The following DOCK1 variants were observed in gnomAD, a reference collection of about 807,000 sequenced individuals.
DOCK1 encodes the protein dedicator of cytokinesis protein 1.
DOCK1 carries 138 observed loss-of-function variants against 262.7 expected under a neutral mutation model. That is an observed-to-expected ratio of 0.53 (90% CI 0.46 to 0.61). The LOEUF (loss-of-function observed/expected upper bound fraction) is 0.61. Ranked by LOEUF, DOCK1 falls within the 20% of genes least tolerant of loss-of-function variation. The pLI is 0.00. For synonymous variants in DOCK1, 866 were observed against 867.4 expected, an observed-to-expected ratio of 1.00 and a Z score of 0.03; for missense variants, 1,908 against 2,370.7, an observed-to-expected ratio of 0.80 and a Z score of 4.05.
At chr10:127,433,886 C>T (rs1370645422) in intron 48 of DOCK1, among the ~76,000 whole-genome samples, 1 of 150,724 alleles carries the variant, frequency 6.6e-6, no homozygotes, top group Non-Finnish European at 1.5e-5. Flanking sequence ...TAGTGTATTT[C>T]ATGTGTGGCC....
intron 27 of DOCK1, among the ~76,000 whole-genome samples, chr10:127,133,385 AT>A (rs1270616480): frequency 2.0e-5 from 3 of 152,232 alleles, no homozygotes; most frequent in Non-Finnish European, 4.4e-5. Flanking sequence ...CTGCAAAAAA[AT>A]GTTGTGTTTC....
rs535364913 is a variant in DOCK1 at position 127,027,664 on chromosome 10, G to A, written c.1624+1240G>A. On this transcript the variant is annotated intron_variant, in intron 16 of 51. Coordinates refer to ENST00000623213, the MANE Select transcript of DOCK1 (RefSeq NM_001290223.2). ...TGAAGGTCAGGCAAGGTGGAGGCTG[G>A]CCACCTTCTGGCACGCTGCCTGGTA... Among the ~76,000 whole-genome samples, 14 of 152,230 alleles carry A rather than the reference G, an allele frequency of 9.2e-5. No homozygotes were observed. The South Asian group carries it at 1.2e-3, about 14-fold the overall frequency.
intron 38 of DOCK1, among the ~76,000 whole-genome samples, chr10:127,385,702 T>C (rs1184452529): frequency 2.0e-5 from 3 of 152,228 alleles, no homozygotes; most frequent in Non-Finnish European, 4.4e-5. Context: ...TGTCACAGTG[T>C]TGGCGTGGCC....
At chr10:127,077,897 G>A (rs115027413) in intron 23 of DOCK1, among the ~76,000 whole-genome samples, 1,706 of 152,148 alleles carry the variant, frequency 0.011, 29 homozygotes, top group African/African-American at 0.039. Context: ...AGCATTCCAT[G>A]GAGGGGCAGG....
At chr10:127,272,105 T>C (rs75101382) in intron 29 of DOCK1, 55 of 152,338 alleles carry the variant, frequency 3.6e-4, no homozygotes, top group African/African-American at 1.3e-3. Flanking sequence ...ACCTTTCCCA[T>C]AAGACTTCAG....
At chr10:127,434,280 A>G (rs2069509615) in intron 48 of DOCK1, among the ~76,000 whole-genome samples, 2 of 152,030 alleles carry the variant, frequency 1.3e-5, no homozygotes, top group Admixed American at 6.6e-5. Context: ...GAGAATGACC[A>G]TCTGTCCCTA....
At chr10:127,215,716 A>G (rs1206995092) in intron 27 of DOCK1, among the ~76,000 whole-genome samples, 1 of 152,150 alleles carries the variant, frequency 6.6e-6, no homozygotes, top group Non-Finnish European at 1.5e-5. Flanking sequence ...AAATTGACCT[A>G]AAGAAAAATA....
At chr10:127,313,921 T>C (rs1228415375) in intron 29 of DOCK1, among the ~76,000 whole-genome samples, 20 of 152,216 alleles carry the variant, frequency 1.3e-4, no homozygotes, top group Non-Finnish European at 2.6e-4. Flanking sequence ...GTTACATTTT[T>C]ATAGGATCTC....
At chr10:127,034,052 G>A (rs2043420147) in intron 18 of DOCK1, among the ~76,000 whole-genome samples, 1 of 152,180 alleles carries the variant, frequency 6.6e-6, no homozygotes, top group Non-Finnish European at 1.5e-5. Context: ...ACCTGGGTGT[G>A]GGATCTATGC....
At chr10:127,417,024 G>A (rs2068197557) in intron 44 of DOCK1, among the ~76,000 whole-genome samples, 1 of 152,168 alleles carries the variant, frequency 6.6e-6, no homozygotes, top group Admixed American at 6.5e-5. Flanking sequence ...ACCTAGGAGT[G>A]CCAGTCTAGG....
chr10:127,433,970 G>T (rs866665534), intron 48 of DOCK1, among the ~76,000 whole-genome samples: 1 of 151,968 alleles, frequency 6.6e-6, no homozygotes. Flanking sequence ...AAAGCAAGGT[G>T]CAGTCCGGGC....
rs2068928289 is a variant in DOCK1, at chr10:127,427,903, C to T, written c.4914+1892C>T. Reference sequence around the variant, plus strand: ...CTTGAACCCAACAAAGCCAACATAACACAACTGCTGCTCTGAGGTTGAAAA... The same window carrying T: ...CTTGAACCCAACAAAGCCAACATAATACAACTGCTGCTCTGAGGTTGAAAA... On this transcript the variant is annotated intron_variant, in intron 47 of 51. Transcript: ENST00000623213. Among the ~76,000 whole-genome samples, 5 of 152,342 alleles carry T rather than the reference C, an allele frequency of 3.3e-5. No homozygotes were observed. In the South Asian group the frequency reaches 1.0e-3, roughly 32 times the overall value.
chr10:127,342,490 T>G (rs1327406986), intron 30 of DOCK1, among the ~76,000 whole-genome samples: 2 of 152,172 alleles, frequency 1.3e-5, no homozygotes, highest in Non-Finnish European at 2.9e-5. Flanking sequence ...TACTTGGTTA[T>G]TCTGTGGTGA....
intron 5 of DOCK1, chr10:126,988,169 C>G (rs1186171188): frequency 4.6e-5 from 7 of 152,276 alleles, no homozygotes; most frequent in African/African-American, 1.7e-4. Context: ...CAGAAGAAGT[C>G]TTATTAATGC....
chr10:127,367,424 A>G (rs1474524894), intron 33 of DOCK1, among the ~76,000 whole-genome samples: 1 of 151,898 alleles, frequency 6.6e-6, no homozygotes, highest in African/African-American at 2.4e-5. Context: ...TTATCCTTTC[A>G]TGGGCCATGT....
intron 22 of DOCK1, among the ~76,000 whole-genome samples, chr10:127,056,532 C>T (rs934890348): frequency 6.6e-6 from 1 of 152,048 alleles, no homozygotes; most frequent in Non-Finnish European, 1.5e-5. Flanking sequence ...TCCTTCTCTC[C>T]CTCCCTCTTT....
intron 30 of DOCK1, among the ~76,000 whole-genome samples, chr10:127,339,656 C>T (rs1293229085): frequency 9.0e-5 from 13 of 145,154 alleles, no homozygotes; most frequent in East Asian, 4.1e-4. Context: ...TGTGCGCGCG[C>T]GCATGCATGC....
chr10:127,356,861 G>A (rs1030723010), intron 32 of DOCK1, among the ~76,000 whole-genome samples: 8 of 152,042 alleles, frequency 5.3e-5, no homozygotes, highest in Non-Finnish European at 1.5e-5. Context: ...TTTCTTCTGT[G>A]TTGTTCCATT....
intron 23 of DOCK1, among the ~76,000 whole-genome samples, chr10:127,096,187 T>C (rs1164872147): frequency 1.3e-5 from 2 of 152,204 alleles, no homozygotes; most frequent in African/African-American, 2.4e-5. Flanking sequence ...ACACACACCA[T>C]AGAGATGCCT....
Sources: allele counts gnomAD v4.1 joint callset (sites outside exome capture counted in the v4.1 genomes callset), GRCh38; gene constraint gnomAD v4.1.1; transcripts MANE v1.5; gene names NCBI Gene and HGNC (gene_info 2026-07-23, HGNC 2026-07-21).